The following RAPGEF1 variants were observed in gnomAD, a reference collection of about 807,000 sequenced individuals.
RAPGEF1 encodes CRK SH3-binding GNRP.
RAPGEF1 carries 33 observed loss-of-function variants against 143.3 expected under a neutral mutation model. That is an observed-to-expected ratio of 0.23 (90% CI 0.17 to 0.31). RAPGEF1 has a LOEUF of 0.31. Ranked by LOEUF, RAPGEF1 falls within the 10% of genes least tolerant of loss-of-function variation. RAPGEF1 has a pLI of 1.00. For missense variants in RAPGEF1, 1,199 were observed against 1,645.4 expected (o/e 0.73, Z 4.69); for synonymous variants, 629 against 676.5 (o/e 0.93, Z 1.09).
chr9:131,680,993 C>T (rs1250954880), intron 1 of RAPGEF1, among the ~76,000 whole-genome samples: 1 of 152,092 alleles, frequency 6.6e-6, no homozygotes, highest in African/African-American at 2.4e-5. Context: ...AAGCAATCCC[C>T]CTGGTGAGTA....
intron 12 of RAPGEF1, among the ~76,000 whole-genome samples, chr9:131,611,226 G>A (rs1184675272): frequency 6.6e-6 from 1 of 152,204 alleles, no homozygotes; most frequent in Non-Finnish European, 1.5e-5. Context: ...GGGCCACACT[G>A]TGTGAATGAC....
intron 1 of RAPGEF1, among the ~76,000 whole-genome samples, chr9:131,737,049 C>T (rs1046730945): frequency 2.6e-5 from 4 of 152,160 alleles, no homozygotes; most frequent in South Asian, 2.1e-4. Context: ...TCACTCCAGG[C>T]GCGCCCCAGT....
chr9:131,626,588 A>G (rs1216319443), intron 9 of RAPGEF1, among the ~76,000 whole-genome samples, 166 bp from the exon 10 acceptor site: 1 of 152,138 alleles, frequency 6.6e-6, no homozygotes, highest in Admixed American at 6.5e-5. Flanking sequence ...CTTCTCCCTG[A>G]TTATAAAAGC....
At chr9:131,631,599 A>G (rs1219032224) in intron 5 of RAPGEF1, among the ~76,000 whole-genome samples, 2 of 152,352 alleles carry the variant, frequency 1.3e-5, no homozygotes, top group East Asian at 1.9e-4. Context: ...CAAGTTACAG[A>G]GGAGGTGGCA....
chr9:131,580,504 C>A (rs1034364553), intron 25 of RAPGEF1, 113 bp from the exon 26 acceptor site: 128 of 1,282,776 alleles, frequency 1.0e-4, no homozygotes, highest in Non-Finnish European at 1.4e-4. Flanking sequence ...AACCCCAGAG[C>A]AAACCAAAGA....
chr9:131,665,035 G>A (rs1364146230), intron 1 of RAPGEF1, among the ~76,000 whole-genome samples: 1 of 152,168 alleles, frequency 6.6e-6, no homozygotes, highest in Non-Finnish European at 1.5e-5. Context: ...TGAAGGCTAG[G>A]GGTATATATT....
chr9:131,690,938 T>C (rs1483191574), intron 1 of RAPGEF1, among the ~76,000 whole-genome samples: 2 of 152,244 alleles, frequency 1.3e-5, no homozygotes, highest in Non-Finnish European at 2.9e-5. Context: ...TCTTGGAGTA[T>C]TGATTTACTC....
chr9:131,611,171 C>T (rs866212015), intron 12 of RAPGEF1, among the ~76,000 whole-genome samples: 2 of 152,294 alleles, frequency 1.3e-5, no homozygotes, highest in South Asian at 4.1e-4. Flanking sequence ...CTGAGATCTG[C>T]CACTGACCGT....
At chr9:131,649,200 ATTTTTTTTTT>A (rs55813422) in intron 3 of RAPGEF1, among the ~76,000 whole-genome samples, 52 of 87,256 alleles carry the variant, frequency 6.0e-4, no homozygotes, top group African/African-American at 1.7e-3. Flanking sequence ...GCCTGGCTAA[ATTTTTTTTTT>A]TTTTTTTTTT....
intron 1 of RAPGEF1, chr9:131,709,555 G>A: frequency 6.7e-7 from 1 of 1,493,744 alleles, no homozygotes; most frequent in Non-Finnish European, 9.3e-7. Flanking sequence ...CTGCTGCTGG[G>A]CCAGTCTCTC....
chr9:131,681,864 G>A (rs780457958), intron 1 of RAPGEF1, among the ~76,000 whole-genome samples: 1 of 152,140 alleles, frequency 6.6e-6, no homozygotes, highest in Non-Finnish European at 1.5e-5. Flanking sequence ...AGAACCATAC[G>A]TTGATTTTAT....
chr9:131,615,488 T>G (rs990272417), intron 12 of RAPGEF1, among the ~76,000 whole-genome samples: 28 of 152,298 alleles, frequency 1.8e-4, no homozygotes, highest in African/African-American at 6.3e-4. Context: ...AGGGGACGGT[T>G]GGAGGGACTC....
intron 24 of RAPGEF1, 84 bp from the exon 25 acceptor site, chr9:131,582,786 T>A: frequency 8.1e-7 from 1 of 1,231,920 alleles, no homozygotes; most frequent in Non-Finnish European, 1.1e-6. Context: ...TCCTCCTCAC[T>A]AACTGGAGGG....
chr9:131,634,791 T>C (rs1588637334), intron 5 of RAPGEF1, among the ~76,000 whole-genome samples: 1 of 124,432 alleles, frequency 8.0e-6, no homozygotes, highest in African/African-American at 3.2e-5. Context: ...CAAGTCAAAA[T>C]ACAGCTCTGG....
intron 1 of RAPGEF1, among the ~76,000 whole-genome samples, chr9:131,719,054 G>C (rs970291392): frequency 6.6e-6 from 1 of 152,136 alleles, no homozygotes; most frequent in African/African-American, 2.4e-5. Flanking sequence ...GGCTGGACTT[G>C]AACTCCTGGG....
intron 1 of RAPGEF1, among the ~76,000 whole-genome samples, chr9:131,672,056 G>A (rs1429341629): frequency 6.6e-6 from 1 of 152,170 alleles, no homozygotes; most frequent in Admixed American, 6.5e-5. Context: ...TAGGTTAGGG[G>A]TCATGTATGG....
chr9:131,733,763 C>A (rs1837243848), intron 1 of RAPGEF1, among the ~76,000 whole-genome samples: 1 of 152,174 alleles, frequency 6.6e-6, no homozygotes, highest in South Asian at 2.1e-4. Flanking sequence ...GGAACACGCT[C>A]AGCTGGCCTG....
chr9:131,594,248 C>T (rs986168644), intron 17 of RAPGEF1, among the ~76,000 whole-genome samples: 2 of 152,210 alleles, frequency 1.3e-5, no homozygotes, highest in African/African-American at 4.8e-5. Context: ...GCACTCTGTG[C>T]GCCCTGGCTC....
chr9:131,604,885 G>GGGGT, intron 13 of RAPGEF1, 46 bp downstream of exon 13: 1 of 1,191,412 alleles, frequency 8.4e-7, no homozygotes, highest in African/African-American at 1.6e-5. Flanking sequence ...CATGTGCAGG[G>GGGGT]GTGTGTGTGT....
Sources: gnomAD v4.1 joint callset for allele counts (sites outside exome capture counted in the v4.1 genomes callset) on GRCh38, gnomAD v4.1.1 for gene constraint, MANE v1.5 for transcripts, NCBI Gene and HGNC (gene_info 2026-07-23, HGNC 2026-07-21) for gene names.